AGBL4: variants seen among roughly 807,000 people sequenced by gnomAD.
AGBL4 encodes AGBL carboxypeptidase 4.
A neutral mutation model predicts 66.4 loss-of-function variants in AGBL4; 58 were observed. The ratio of observed to expected loss-of-function variants is 0.87; its 90% CI spans 0.71 to 1.09. AGBL4 has a LOEUF of 1.09. Among genes scored for constraint, AGBL4 ranks in the 50% least tolerant of loss-of-function variants. AGBL4 has a pLI of 0.00. For missense variants in AGBL4, 579 were observed against 631.0 expected (o/e 0.92, Z 0.88); for synonymous variants, 234 against 222.9 (o/e 1.05, Z -0.44).
At chr1:49,302,932 G>A (rs1644782037) in intron 3 of AGBL4, among the ~76,000 whole-genome samples, 1 of 152,002 alleles carries the variant, frequency 6.6e-6, no homozygotes, top group African/African-American at 2.4e-5. Context: ...TTCCGTTCCT[G>A]TGTTAGTTTG....
intron 11 of AGBL4, chr1:48,586,801 A>T (rs923940085): frequency 1.8e-5 from 11 of 609,370 alleles, no homozygotes; most frequent in Non-Finnish European, 2.6e-5. Context: ...GATTTGGAGC[A>T]TGGCAATTGG....
At chr1:48,950,908 A>G (rs1388363399) in intron 5 of AGBL4, among the ~76,000 whole-genome samples, 2 of 152,100 alleles carry the variant, frequency 1.3e-5, no homozygotes, top group Admixed American at 1.3e-4. Flanking sequence ...CAGTTCCTCT[A>G]ATTATGTCTT....
intron 3 of AGBL4, among the ~76,000 whole-genome samples, chr1:49,682,620 T>C (rs1571321271): frequency 6.6e-6 from 1 of 152,302 alleles, no homozygotes; most frequent in East Asian, 1.9e-4. Context: ...TACTACTTCA[T>C]ACCAGACGAA....
intron 2 of AGBL4, chr1:49,841,900 C>T (rs558224669): frequency 3.2e-6 from 2 of 629,888 alleles, no homozygotes; most frequent in Admixed American, 2.0e-5. Flanking sequence ...GACCCCTGGG[C>T]TGCCTGTCTC....
intron 3 of AGBL4, among the ~76,000 whole-genome samples, chr1:49,577,369 C>T (rs1373616272): frequency 1.3e-5 from 2 of 152,236 alleles, no homozygotes; most frequent in Non-Finnish European, 2.9e-5. Context: ...TGGACTTCCA[C>T]TCAGTGAGGC....
chr1:49,579,215 T>G (rs78354468), intron 3 of AGBL4, among the ~76,000 whole-genome samples: 9 of 152,308 alleles, frequency 5.9e-5, no homozygotes, highest in African/African-American at 2.2e-4. Context: ...AACTCATCTA[T>G]ATATGATAAA....
chr1:49,621,813 TCA>T (rs904882655), intron 3 of AGBL4, among the ~76,000 whole-genome samples: 6 of 152,202 alleles, frequency 3.9e-5, no homozygotes, highest in African/African-American at 7.2e-5. Flanking sequence ...TGTGTGGATT[TCA>T]CAGTTTCAGT....
At chr1:48,687,712 G>A (rs2148488119) in intron 6 of AGBL4, among the ~76,000 whole-genome samples, 1 of 152,328 alleles carries the variant, frequency 6.6e-6, no homozygotes, top group Non-Finnish European at 1.5e-5. Flanking sequence ...GGGCATTCGT[G>A]TGATCTGCTG....
intron 4 of AGBL4, among the ~76,000 whole-genome samples, chr1:49,126,497 G>A (rs1473435490): frequency 6.6e-6 from 1 of 152,084 alleles, no homozygotes; most frequent in East Asian, 1.9e-4. Flanking sequence ...CTATTATAGG[G>A]CAGGCAGTTT....
At chr1:49,109,941 T>C (rs1645373196) in intron 4 of AGBL4, among the ~76,000 whole-genome samples, 1 of 152,144 alleles carries the variant, frequency 6.6e-6, no homozygotes, top group African/African-American at 2.4e-5. Flanking sequence ...CAATTATCTT[T>C]TTTCTCACTC....
chr1:48,813,553 G>A (rs1646106080), intron 6 of AGBL4, among the ~76,000 whole-genome samples: 2 of 152,108 alleles, frequency 1.3e-5, no homozygotes, highest in Non-Finnish European at 2.9e-5. Flanking sequence ...GCTTGATGAT[G>A]GAAGCCTCAC....
chr1:49,055,440 G>A (rs921059847), intron 4 of AGBL4, among the ~76,000 whole-genome samples: 1 of 152,024 alleles, frequency 6.6e-6, no homozygotes, highest in Non-Finnish European at 1.5e-5. Context: ...GCAGGTACCT[G>A]AGTACCTACA....
intron 3 of AGBL4, among the ~76,000 whole-genome samples, chr1:49,328,656 A>G (rs1645271421): frequency 6.6e-6 from 1 of 152,164 alleles, no homozygotes; most frequent in African/African-American, 2.4e-5. Flanking sequence ...CTACCACCTC[A>G]CACTCAACAT....
At chr1:49,367,994 T>A (rs762293835) in intron 3 of AGBL4, among the ~76,000 whole-genome samples, 18 of 152,228 alleles carry the variant, frequency 1.2e-4, no homozygotes, top group Non-Finnish European at 2.2e-4. Flanking sequence ...ATTATGAATA[T>A]TTTATAAAAA....
chr1:49,610,629 G>C (rs1019971710), intron 3 of AGBL4, among the ~76,000 whole-genome samples: 3 of 152,162 alleles, frequency 2.0e-5, no homozygotes, highest in Non-Finnish European at 4.4e-5. Context: ...TATAAAGGAG[G>C]CTTGACGGAG....
chr1:49,502,566 G>T (rs1413808981), intron 3 of AGBL4, among the ~76,000 whole-genome samples: 1 of 151,998 alleles, frequency 6.6e-6, no homozygotes, highest in Admixed American at 6.6e-5. Context: ...GGGCTAAGAA[G>T]AAAAAATGAT....
chr1:49,427,958 G>T (rs1170390122), intron 3 of AGBL4, among the ~76,000 whole-genome samples: 1 of 152,062 alleles, frequency 6.6e-6, no homozygotes, highest in East Asian at 1.9e-4. Flanking sequence ...TGACTGGTGA[G>T]TTTACAAACC....
At chr1:49,397,012 C>A (rs1644988104) in intron 3 of AGBL4, among the ~76,000 whole-genome samples, 1 of 152,104 alleles carries the variant, frequency 6.6e-6, no homozygotes, top group South Asian at 2.1e-4. Context: ...ACCTAGATCC[C>A]TCGCATGCAC....
chr1:49,970,598 A>G (rs1196823035), intron 1 of AGBL4, among the ~76,000 whole-genome samples: 1 of 151,910 alleles, frequency 6.6e-6, no homozygotes, highest in Non-Finnish European at 1.5e-5. Context: ...CAGGAGGCTG[A>G]GGCAGGAGAA....
Sources: allele counts gnomAD v4.1 joint callset (sites outside exome capture counted in the v4.1 genomes callset), GRCh38; gene constraint gnomAD v4.1.1; transcripts MANE v1.5; gene names NCBI Gene and HGNC (gene_info 2026-07-23, HGNC 2026-07-21).